The following SLC29A2 variants were observed in gnomAD, a reference collection of about 807,000 sequenced individuals.
SLC29A2 encodes solute carrier family 29 member 2, also known as equilibrative nucleoside transporter 2.
SLC29A2 carries 37 observed loss-of-function variants against 48.8 expected under a neutral mutation model. The ratio of observed to expected loss-of-function variants is 0.76; its 90% CI spans 0.58 to 1.00. The LOEUF (loss-of-function observed/expected upper bound fraction) is 1.00. SLC29A2 is among the 50% of genes least tolerant of loss of function. The pLI, the probability that SLC29A2 is intolerant of heterozygous loss-of-function variation, is 0.00. For missense variants in SLC29A2, 533 were observed against 578.6 expected (o/e 0.92, Z 0.81); for synonymous variants, 233 against 261.7 (o/e 0.89, Z 1.06).
intron 1 of SLC29A2, 84 bp from the exon 2 acceptor site, chr11:66,371,409 C>A: frequency 6.5e-7 from 1 of 1,540,114 alleles, no homozygotes; most frequent in East Asian, 2.3e-5. Context: ...CCCTCCGGAG[C>A]GGACTACAAC....
intron 2 of SLC29A2, 146 bp from the exon 3 acceptor site, chr11:66,369,678 G>A (rs929631561): frequency 4.2e-6 from 4 of 944,474 alleles, no homozygotes; most frequent in Non-Finnish European, 6.6e-6. Context: ...CACAGTCGGA[G>A]CTCCATGAAT....
chr11:66,371,568 C>T lies in SLC29A2; in HGVS notation c.24G>A (p.Arg8=). Reference sequence around the variant, plus strand: ...ACGCACCCGGGCCCACTCACCTGTCCCGCGGGGCGTCTCCTCGCGCCATGG... The same window carrying T: ...ACGCACCCGGGCCCACTCACCTGTCTCGCGGGGCGTCTCCTCGCGCCATGG... MARGDAP[R]DSYHLVGISF... The change falls in exon 1 of 12, where the codon CGG becomes CGA. Residue 8 remains arginine, a synonymous_variant. Coordinates refer to ENST00000357440, the MANE Select transcript of SLC29A2 (RefSeq NM_001532.3). 6.4e-7 allele frequency: 1 copy of T among 1,550,630 alleles called. No homozygotes were observed. The highest frequency in any genetic ancestry group is 8.7e-7 in the Non-Finnish European group (1 of 1,148,686).
Position 66,367,819 on chromosome 11 carries a change from C to T in SLC29A2, c.601G>A (p.Val201Met). Residue 201 changes from valine (V) to methionine (M), a missense_variant, in exon 6 of 12, where the codon GTG becomes ATG. Transcript: ENST00000357440. ...SALGYFITPC[V>M]GILMSIVCYL... Reference sequence around the variant, plus strand: ...CACACGATGGACATGAGGATGCCCACACAGGGCGTGATAAAGTACCCCAGG... The same window carrying T: ...CACACGATGGACATGAGGATGCCCATACAGGGCGTGATAAAGTACCCCAGG... 1.2e-6 allele frequency: 2 copies of T among 1,614,208 alleles called. No homozygotes were observed. The highest frequency in any genetic ancestry group is 1.7e-6 in the Non-Finnish European group (2 of 1,180,010).
intron 5 of SLC29A2, 62 bp downstream of exon 5, chr11:66,368,475 C>T (rs1447187618): frequency 1.9e-6 from 3 of 1,605,524 alleles, no homozygotes; most frequent in South Asian, 1.1e-5. Context: ...CTCTCACATG[C>T]CCTCTCTCTT....
chr11:66,369,438 T>A lies in SLC29A2; in HGVS notation c.206A>T (p.Asn69Ile). 6.2e-7 allele frequency: 1 copy of A among 1,614,062 alleles called. No individual in the cohort carries two copies. Among genetic ancestry groups the A allele is most frequent in the Non-Finnish European group, 8.5e-7 (1 of 1,179,976 alleles). Residue 69 changes from asparagine (N) to isoleucine (I), a missense_variant, in exon 3 of 12, where the codon AAT (asparagine) becomes ATT (isoleucine). Physicochemically the swap from Asn to Ile is moderately radical, Grantham distance 149. Coordinates refer to ENST00000357440, the MANE Select transcript of SLC29A2 (RefSeq NM_001532.3). ...CAGCTGGGACAGCAGCGTCACCCAA[T>A]TGTTGAAGTTGAAGGCATCCTCGGG... is the stretch of plus-strand genomic sequence containing the variant. ...TGPEDAFNFN[N>I]WVTLLSQLPL...
At chr11:66,363,571 T>C (rs776024249) in intron 11 of SLC29A2, 24 bp from the exon 12 acceptor site, 3 of 1,566,776 alleles carry the variant, frequency 1.9e-6, no homozygotes, top group Non-Finnish European at 2.6e-6. Flanking sequence ...GAACAGGAGC[T>C]CTTAGAAAAT....
Position 66,371,601 on chromosome 11 carries a change from G to A in SLC29A2, c.-10C>T, listed in dbSNP as rs1359210751. ...CGTCTCCTCGCGCCATGGCCGCCGCGGCGGATGCGCCTGGGGTGAAAGGGG... is the reference window on the plus strand; with the variant it reads ...CGTCTCCTCGCGCCATGGCCGCCGCAGCGGATGCGCCTGGGGTGAAAGGGG... On this transcript the variant is annotated 5_prime_UTR_variant, in exon 1 of 12. Coordinates refer to ENST00000357440, the MANE Select transcript of SLC29A2 (RefSeq NM_001532.3). 6.5e-7 allele frequency: 1 copy of A among 1,548,294 alleles called. No homozygotes were observed. Among genetic ancestry groups the A allele is most frequent in the Non-Finnish European group, 8.7e-7 (1 of 1,150,418 alleles).
rs112593209 is a variant in SLC29A2 at position 66,363,246 on chromosome 11, C to T, written c.*190G>A. 8.8e-3 allele frequency: 5,727 copies of T among 650,248 alleles called. 38 individuals carry two copies. The highest frequency in any genetic ancestry group is 0.014 in the Middle Eastern group (34 of 2,440). The allele number at this position is 650,248 out of a possible 1,614,324, so 40.3% of individuals were successfully genotyped here. A position where few individuals can be genotyped will look rare whatever the true frequency, so the allele number is the denominator to read the frequency against. On this transcript the variant is annotated 3_prime_UTR_variant, in exon 12 of 12. Coordinates refer to ENST00000357440, the MANE Select transcript of SLC29A2 (RefSeq NM_001532.3). ...ATTCCTGGGTGAGGGTTAGAATGAC[C>T]GGTGGTGATTTCTTCCCCACAGCAC...
intron 7 of SLC29A2, 40 bp from the exon 8 acceptor site, chr11:66,366,604 C>T (rs1855714547): frequency 6.2e-7 from 1 of 1,606,458 alleles, no homozygotes; most frequent in Admixed American, 1.7e-5. Flanking sequence ...TGCTTGTGAC[C>T]CAGGTTTCCC....
In SLC29A2 at chr11:66,363,117, T is replaced by C; in HGVS notation, c.*319A>G. Reference sequence around the variant, plus strand: ...ACCCTCTGGTCACCTCTGCTCCTGATGATGATGAACAAATGCAGACCTGGT... The same window carrying C: ...ACCCTCTGGTCACCTCTGCTCCTGACGATGATGAACAAATGCAGACCTGGT... On this transcript the variant is annotated 3_prime_UTR_variant, in exon 12 of 12. Transcript: ENST00000357440. The C allele has an allele frequency of 7.9e-6, 3 of 379,056 alleles. No homozygotes were observed. The highest frequency in any genetic ancestry group is 6.4e-5 in the East Asian group (1 of 15,744). 23.5% of individuals were successfully genotyped at this position (379,056 alleles called of 1,614,324 possible). A position where few individuals can be genotyped will look rare whatever the true frequency, so the allele number is the denominator to read the frequency against.
rs1348381815 is a variant in SLC29A2 at position 66,367,527 on chromosome 11, C to G, written c.670G>C (p.Ala224Pro). The G allele has an allele frequency of 6.2e-7, 1 of 1,613,960 alleles. No individual in the cohort carries two copies. Among genetic ancestry groups the G allele is most frequent in the Admixed American group, 1.7e-5 (1 of 59,992 alleles). The change falls in exon 7 of 12, where the codon GCC (alanine) becomes CCC (proline). Residue 224 changes from alanine (A) to proline (P), a missense_variant. Physicochemically the swap from Ala to Pro is conservative, Grantham distance 27 (BLOSUM62 -1). Coordinates refer to ENST00000357440, the MANE Select transcript of SLC29A2 (RefSeq NM_001532.3). ...PHLKFARYYL[A>P]NKSSQAQAQE... The stretch of plus-strand genomic sequence containing the variant: ...GCTTGGGCCTGGGATGATTTATTGG[C>G]CAGGTAGTAGCGGGCAAACTTCTGC...
At chr11:66,364,193 C>A in intron 11 of SLC29A2, 32 bp downstream of exon 11, 1 of 1,541,370 alleles carries the variant, frequency 6.5e-7, no homozygotes, top group South Asian at 1.2e-5. Flanking sequence ...CTCCCTACTC[C>A]CAGCCCCCCA....
chr11:66,367,998 T>C, intron 5 of SLC29A2, 129 bp from the exon 6 acceptor site: 1 of 741,006 alleles, frequency 1.3e-6, no homozygotes, highest in Non-Finnish European at 2.4e-6. Flanking sequence ...GCTCCTCCCT[T>C]CACTGACAAA....
intron 4 of SLC29A2, 41 bp downstream of exon 4, chr11:66,369,019 G>T (rs769433482): frequency 1.3e-6 from 2 of 1,581,672 alleles, no homozygotes; most frequent in South Asian, 1.2e-5. Flanking sequence ...CCAGGCTGAA[G>T]CCCTGCATAG....
chr11:66,368,420 T>C, intron 5 of SLC29A2, 117 bp downstream of exon 5: 2 of 1,370,352 alleles, frequency 1.5e-6, no homozygotes, highest in Non-Finnish European at 2.0e-6. Flanking sequence ...CCCATTTCCA[T>C]ATCACCTGCT....
At chr11:66,371,108 G>C in intron 2 of SLC29A2, 136 bp downstream of exon 2, 3 of 758,400 alleles carry the variant, frequency 4.0e-6, no homozygotes, top group Non-Finnish European at 6.9e-6. Context: ...TCCCCTCTCC[G>C]AGCTTCAGCC....
Position 66,363,212 on chromosome 11 carries a change from G to A in SLC29A2, c.*224C>T. 1 of 580,036 alleles carries A rather than the reference G, an allele frequency of 1.7e-6. No individual in the cohort carries two copies. Among genetic ancestry groups the A allele is most frequent in the Non-Finnish European group, 3.1e-6 (1 of 318,740 alleles). 35.9% of individuals were successfully genotyped at this position (580,036 alleles called of 1,614,324 possible). Reference sequence around the variant, plus strand: ...ACCCTTTCCATGAGGTCTTGTGCGAGTCACCCCCATTCCTGGGTGAGGGTT... The same window carrying A: ...ACCCTTTCCATGAGGTCTTGTGCGAATCACCCCCATTCCTGGGTGAGGGTT... On this transcript the variant is annotated 3_prime_UTR_variant, in exon 12 of 12. Coordinates refer to ENST00000357440, the MANE Select transcript of SLC29A2 (RefSeq NM_001532.3).
intron 10 of SLC29A2, among the ~76,000 whole-genome samples, chr11:66,365,166 G>C (rs1855609373): frequency 6.6e-6 from 1 of 152,016 alleles, no homozygotes; most frequent in African/African-American, 2.4e-5. Context: ...CGGCCTCCCA[G>C]AGTGCTGGGA....
At chr11:66,366,947 TAAC>T (rs1565219124) in intron 7 of SLC29A2, among the ~76,000 whole-genome samples, 2 of 152,094 alleles carry the variant, frequency 1.3e-5, no homozygotes, top group African/African-American at 2.4e-5. Flanking sequence ...TGACTCAAAA[TAAC>T]AACAACCCCC....
Sources: gnomAD v4.1 joint callset for allele counts (sites outside exome capture counted in the v4.1 genomes callset) on GRCh38, gnomAD v4.1.1 for gene constraint, MANE v1.5 for transcripts, NCBI Gene and HGNC (gene_info 2026-07-23, HGNC 2026-07-21) for gene names.